CNTN5: variants seen among roughly 807,000 people sequenced by gnomAD.
CNTN5 encodes the protein contactin-5.
In CNTN5, 77 loss-of-function variants were observed where a neutral mutation model predicts 129.1. The ratio of observed to expected loss-of-function variants is 0.60; its 90% confidence interval spans 0.50 to 0.72. CNTN5 has a LOEUF of 0.72. Ranked by LOEUF, CNTN5 falls within the 30% of genes least tolerant of loss-of-function variation. The pLI is 0.00. For synonymous variants in CNTN5, 509 were observed against 465.6 expected (o/e 1.09, Z -1.20); for missense variants, 1,478 against 1,328.8 (o/e 1.11, Z -1.75).
intron 4 of CNTN5, among the ~76,000 whole-genome samples, chr11:99,824,255 G>C (rs552115680): frequency 2.6e-5 from 4 of 151,958 alleles, no homozygotes; most frequent in Non-Finnish European, 5.9e-5. Flanking sequence ...TTATTGTATA[G>C]GTGTTCGTAT....
chr11:99,601,003 T>C (rs1950295635), intron 3 of CNTN5, among the ~76,000 whole-genome samples: 1 of 152,180 alleles, frequency 6.6e-6, no homozygotes, highest in South Asian at 2.1e-4. Context: ...CCTTGTTTTG[T>C]CTTAAATATT....
chr11:99,506,456 C>T (rs544165286), intron 2 of CNTN5, among the ~76,000 whole-genome samples: 44 of 152,004 alleles, frequency 2.9e-4, no homozygotes, highest in Non-Finnish European at 5.6e-4. Flanking sequence ...GTCTTGTGTC[C>T]ACCTTTCCAG....
intron 13 of CNTN5, among the ~76,000 whole-genome samples, chr11:100,118,643 T>C (rs1462237280): frequency 6.6e-6 from 1 of 151,928 alleles, no homozygotes; most frequent in Admixed American, 6.6e-5. Context: ...TGGAAATTGA[T>C]TTTATATTAG....
chr11:99,811,432 A>T (rs1387401536), intron 3 of CNTN5, among the ~76,000 whole-genome samples: 1 of 149,378 alleles, frequency 6.7e-6, no homozygotes, highest in Non-Finnish European at 1.5e-5. Flanking sequence ...TGCATATTCT[A>T]ATCCATTATT....
At chr11:99,319,896 A>T (rs1865494898) in intron 1 of CNTN5, among the ~76,000 whole-genome samples, 1 of 152,154 alleles carries the variant, frequency 6.6e-6, no homozygotes, top group Non-Finnish European at 1.5e-5. Flanking sequence ...GACCTGAGAT[A>T]TATACAGAGG....
At chr11:99,770,615 A>G (rs1387816850) in intron 3 of CNTN5, among the ~76,000 whole-genome samples, 4 of 151,886 alleles carry the variant, frequency 2.6e-5, no homozygotes, top group African/African-American at 9.7e-5. Flanking sequence ...TGTCTTTTTG[A>G]ATTTCTTTCA....
At chr11:100,207,078 G>A (rs1948930455) in intron 15 of CNTN5, among the ~76,000 whole-genome samples, 1 of 152,060 alleles carries the variant, frequency 6.6e-6, no homozygotes, top group Admixed American at 6.6e-5. Context: ...CCAGAGTATG[G>A]TTGAATAAGA....
chr11:100,224,629 T>A, intron 15 of CNTN5, 63 bp from the exon 16 acceptor site: 1 of 1,539,492 alleles, frequency 6.5e-7, no homozygotes. Flanking sequence ...AAGTTCCCCC[T>A]TAAGCCACCT....
chr11:99,446,855 A>G (rs1387946018), intron 2 of CNTN5, among the ~76,000 whole-genome samples: 7 of 152,252 alleles, frequency 4.6e-5, no homozygotes, highest in South Asian at 2.1e-4. Context: ...CAACCTCAGT[A>G]ATTTCTAGTA....
intron 21 of CNTN5, among the ~76,000 whole-genome samples, chr11:100,333,516 ATTTGCCTGAC>A (rs1481323284): frequency 6.6e-6 from 1 of 151,922 alleles, no homozygotes; most frequent in Non-Finnish European, 1.5e-5. Flanking sequence ...GAGGCATCAC[ATTTGCCTGAC>A]TTCAAACTAT....
chr11:100,016,085 A>G (rs564749086), intron 9 of CNTN5, among the ~76,000 whole-genome samples: 1 of 152,246 alleles, frequency 6.6e-6, no homozygotes, highest in African/African-American at 2.4e-5. Context: ...TTTAACAGGC[A>G]GAACACAGAA....
chr11:99,133,638 T>TCCATACATGCAGC (rs1555054289), intron 1 of CNTN5, among the ~76,000 whole-genome samples: 1 of 137,438 alleles, frequency 7.3e-6, no homozygotes, highest in Non-Finnish European at 1.5e-5. Flanking sequence ...AGACCATACA[T>TCCATACATGCAGC]GCAGCTAACA....
intron 7 of CNTN5, among the ~76,000 whole-genome samples, chr11:99,916,463 T>G (rs1949792571): frequency 6.6e-6 from 1 of 152,172 alleles, no homozygotes; most frequent in Non-Finnish European, 1.5e-5. Context: ...TGAAAACTTT[T>G]CAAAATAGTT....
chr11:99,865,372 G>A (rs958298136), intron 6 of CNTN5, among the ~76,000 whole-genome samples: 3 of 151,920 alleles, frequency 2.0e-5, no homozygotes, highest in Non-Finnish European at 4.4e-5. Context: ...GGAATCAGAA[G>A]AGGAATTCAA....
At chr11:100,182,204 CAGTGTTTT>C (rs1309925422) in intron 13 of CNTN5, among the ~76,000 whole-genome samples, 1 of 151,984 alleles carries the variant, frequency 6.6e-6, no homozygotes, top group Non-Finnish European at 1.5e-5. Flanking sequence ...TGGGAAAATA[CAGTGTTTT>C]AGTTTGGGCA....
intron 1 of CNTN5, among the ~76,000 whole-genome samples, chr11:99,104,332 G>A (rs1209292387): frequency 6.6e-6 from 1 of 152,010 alleles, no homozygotes; most frequent in African/African-American, 2.4e-5. Context: ...TGGATGTTTA[G>A]CAGTATTCCC....
At chr11:100,083,317 C>CAAAA (rs71050046) in intron 13 of CNTN5, among the ~76,000 whole-genome samples, 1,739 of 127,868 alleles carry the variant, frequency 0.014, 17 homozygotes, top group African/African-American at 0.026. Flanking sequence ...AACTCTGTCT[C>CAAAA]AAAAAAAAAA....
At chr11:99,630,602 C>T (rs1244479080) in intron 3 of CNTN5, among the ~76,000 whole-genome samples, 1 of 151,552 alleles carries the variant, frequency 6.6e-6, no homozygotes. Flanking sequence ...AAAAATCTTC[C>T]TATTTCTTAG....
intron 2 of CNTN5, among the ~76,000 whole-genome samples, chr11:99,459,506 G>A (rs1944613569): frequency 1.3e-5 from 2 of 152,042 alleles, no homozygotes; most frequent in South Asian, 4.1e-4. Flanking sequence ...TCTGGAGGAA[G>A]TGAGTATATC....
Sources: gnomAD v4.1 joint callset for allele counts (sites outside exome capture counted in the v4.1 genomes callset) on GRCh38, gnomAD v4.1.1 for gene constraint, MANE v1.5 for transcripts, NCBI Gene and HGNC (gene_info 2026-07-23, HGNC 2026-07-21) for gene names.